The following CDH13 variants were observed in gnomAD, a reference collection of about 807,000 sequenced individuals.
The protein encoded by CDH13 is cadherin-13.
In CDH13, 24 loss-of-function variants were observed where a neutral mutation model predicts 63.8. The ratio of observed to expected loss-of-function variants is 0.38; its 90% CI spans 0.27 to 0.53. The LOEUF is 0.53. CDH13 is among the 20% of genes least tolerant of loss of function. The pLI is 0.85. For missense variants in CDH13, 1,049 were observed against 903.1 expected (o/e 1.16, Z -2.07); for synonymous variants, 503 against 355.3 (o/e 1.42, Z -4.67).
chr16:83,689,367 C>T (rs1904620975), intron 10 of CDH13, among the ~76,000 whole-genome samples: 1 of 152,088 alleles, frequency 6.6e-6, no homozygotes, highest in Admixed American at 6.5e-5. Flanking sequence ...AAAAGCCACA[C>T]ATTTCAGGAT....
At chr16:82,869,792 A>G (rs2040281804) in intron 2 of CDH13, among the ~76,000 whole-genome samples, 1 of 152,198 alleles carries the variant, frequency 6.6e-6, no homozygotes, top group Admixed American at 6.5e-5. Flanking sequence ...GAAGAATGAT[A>G]ATAGAGCCCT....
chr16:83,423,493 T>C (rs918864924), intron 6 of CDH13, among the ~76,000 whole-genome samples: 1 of 146,448 alleles, frequency 6.8e-6, no homozygotes, highest in Non-Finnish European at 1.5e-5. Flanking sequence ...TGACAGCATT[T>C]AAAAAAAAAA....
At chr16:83,192,903 T>A (rs2038764397) in intron 4 of CDH13, among the ~76,000 whole-genome samples, 1 of 152,136 alleles carries the variant, frequency 6.6e-6, no homozygotes. Flanking sequence ...GTTTAAATGG[T>A]GCATGTGTCT....
At chr16:83,301,390 CTG>C (rs1280841014) in intron 5 of CDH13, among the ~76,000 whole-genome samples, 2 of 152,142 alleles carry the variant, frequency 1.3e-5, no homozygotes, top group Non-Finnish European at 2.9e-5. Flanking sequence ...ACCTCCCTCT[CTG>C]TGATTTTCCA....
At chr16:82,765,721 A>T (rs2035030830) in intron 1 of CDH13, among the ~76,000 whole-genome samples, 1 of 152,196 alleles carries the variant, frequency 6.6e-6, no homozygotes, top group Non-Finnish European at 1.5e-5. Context: ...ACCTCTGAAG[A>T]GTATTTCACA....
At chr16:83,003,493 CAT>C (rs1913160005) in intron 2 of CDH13, among the ~76,000 whole-genome samples, 1 of 151,756 alleles carries the variant, frequency 6.6e-6, no homozygotes, top group African/African-American at 2.4e-5. Context: ...AGGTTAGTAA[CAT>C]ATTATCATTG....
At chr16:83,210,665 T>A (rs543940785) in intron 4 of CDH13, among the ~76,000 whole-genome samples, 2 of 152,040 alleles carry the variant, frequency 1.3e-5, no homozygotes, top group East Asian at 3.9e-4. Flanking sequence ...GACAATGACT[T>A]GCAGAACTTG....
At chr16:83,085,427 G>C (rs1217868674) in intron 3 of CDH13, among the ~76,000 whole-genome samples, 1 of 152,222 alleles carries the variant, frequency 6.6e-6, no homozygotes, top group East Asian at 1.9e-4. Flanking sequence ...CACTCCTCAT[G>C]GTGTGCAAGA....
chr16:83,303,144 T>C (rs1240323888), intron 5 of CDH13, among the ~76,000 whole-genome samples: 1 of 152,252 alleles, frequency 6.6e-6, no homozygotes, highest in East Asian at 1.9e-4. Flanking sequence ...GAATTTCCTA[T>C]GTTCTTTTCA....
chr16:83,691,669 C>T (rs953823490), intron 10 of CDH13, among the ~76,000 whole-genome samples: 4 of 152,072 alleles, frequency 2.6e-5, no homozygotes, highest in African/African-American at 7.2e-5. Context: ...GACCGCAAAT[C>T]AGCATATCCT....
At chr16:82,760,105 T>C (rs1240570958) in intron 1 of CDH13, among the ~76,000 whole-genome samples, 1 of 152,200 alleles carries the variant, frequency 6.6e-6, no homozygotes, top group Non-Finnish European at 1.5e-5. Flanking sequence ...TATTGCACAA[T>C]TTTCCTAAGC....
intron 10 of CDH13, among the ~76,000 whole-genome samples, chr16:83,709,085 G>T (rs1907602955): frequency 6.6e-6 from 1 of 152,150 alleles, no homozygotes; most frequent in African/African-American, 2.4e-5. Context: ...AGGAGGGTCA[G>T]AGTCAGAGAA....
At chr16:83,167,878 A>G (rs2037750594) in intron 4 of CDH13, among the ~76,000 whole-genome samples, 3 of 152,104 alleles carry the variant, frequency 2.0e-5, no homozygotes, top group South Asian at 2.1e-4. Flanking sequence ...CCATAAAAAA[A>G]TAAAATCACA....
intron 4 of CDH13, among the ~76,000 whole-genome samples, chr16:83,216,441 T>TAC (rs1184326880): frequency 7.2e-5 from 8 of 111,224 alleles, no homozygotes; most frequent in African/African-American, 2.6e-4. Flanking sequence ...TATATATATA[T>TAC]ATACACAACC....
At chr16:83,151,916 C>T (rs981920223) in intron 4 of CDH13, among the ~76,000 whole-genome samples, 8 of 151,090 alleles carry the variant, frequency 5.3e-5, no homozygotes, top group African/African-American at 1.7e-4. Flanking sequence ...GAGCCAAGAT[C>T]GCGCCATTGC....
At chr16:82,768,785 C>T (rs1430479060) in intron 1 of CDH13, among the ~76,000 whole-genome samples, 1 of 152,156 alleles carries the variant, frequency 6.6e-6, no homozygotes, top group Non-Finnish European at 1.5e-5. Context: ...TGCTGTCTAA[C>T]CCAGCAGACC....
intron 6 of CDH13, among the ~76,000 whole-genome samples, chr16:83,477,986 C>G (rs564238041): frequency 2.6e-5 from 4 of 152,102 alleles, no homozygotes; most frequent in African/African-American, 9.6e-5. Flanking sequence ...TCGAGACCAT[C>G]CTGACTAACA....
intron 10 of CDH13, among the ~76,000 whole-genome samples, chr16:83,687,883 T>C (rs1247923346): frequency 6.6e-6 from 1 of 152,192 alleles, no homozygotes; most frequent in Non-Finnish European, 1.5e-5. Flanking sequence ...CTGAATCAGA[T>C]CCAAATTAGA....
At chr16:82,887,913 T>G (rs902716422) in intron 2 of CDH13, among the ~76,000 whole-genome samples, 23 of 152,234 alleles carry the variant, frequency 1.5e-4, no homozygotes, top group Non-Finnish European at 2.6e-4. Context: ...TAAGAACGTG[T>G]TGAAAACAGC....
Sources: allele counts gnomAD v4.1 joint callset (sites outside exome capture counted in the v4.1 genomes callset), GRCh38; gene constraint gnomAD v4.1.1; transcripts MANE v1.5; gene names NCBI Gene and HGNC (gene_info 2026-07-23, HGNC 2026-07-21).